The following OR3A2 variants were observed in gnomAD, a reference collection of about 807,000 sequenced individuals.
The protein encoded by OR3A2 is olfactory receptor family 3 subfamily A member 2, also known as olfactory receptor 3A2.
For missense variants in OR3A2, 318 were observed against 392.8 expected, an observed-to-expected ratio of 0.81 and a Z score of 1.61; for synonymous variants, 126 against 159.3, an observed-to-expected ratio of 0.79 and a Z score of 1.57.
chr17:3,280,973 G>A (rs886733385), intron 1 of OR3A2, among the ~76,000 whole-genome samples: 6 of 152,150 alleles, frequency 3.9e-5, no homozygotes, highest in African/African-American at 1.2e-4. Flanking sequence ...GAAGCCATCC[G>A]GGCAGGCTGA....
intron 3 of OR3A2, chr17:3,310,198 C>T (rs2049029436): frequency 2.4e-6 from 1 of 425,400 alleles, no homozygotes; most frequent in Admixed American, 2.8e-5. Context: ...CCGGCCCTGT[C>T]CTGGACATTG....
At chr17:3,301,176 G>C (rs1329687844) in intron 3 of OR3A2, among the ~76,000 whole-genome samples, 2 of 152,130 alleles carry the variant, frequency 1.3e-5, no homozygotes, top group Non-Finnish European at 2.9e-5. Context: ...CTTTATAGCA[G>C]CATGATTTAT....
At chr17:3,281,257 T>C (rs2048774974) in intron 1 of OR3A2, among the ~76,000 whole-genome samples, 1 of 147,896 alleles carries the variant, frequency 6.8e-6, no homozygotes, top group Non-Finnish European at 1.5e-5. Context: ...TTTTTTGAGA[T>C]GGAGTCTCCC....
intron 3 of OR3A2, among the ~76,000 whole-genome samples, chr17:3,295,065 A>T (rs2048908856): frequency 6.6e-6 from 1 of 152,136 alleles, no homozygotes; most frequent in Non-Finnish European, 1.5e-5. Context: ...TGTATTTAAC[A>T]ATAGGTCTAA....
chr17:3,339,702 C>T (rs1419393123), intron 2 of OR3A2, among the ~76,000 whole-genome samples: 2 of 152,070 alleles, frequency 1.3e-5, no homozygotes, highest in African/African-American at 2.4e-5. Flanking sequence ...ATTTTTGCAT[C>T]AATGTTCATC....
In OR3A2 at chr17:3,361,643, C is replaced by G. The variant is rs575170954; in HGVS notation, c.-179+22161G>C. On this transcript the variant is annotated intron_variant, in intron 2 of 4. Transcript: ENST00000573491. ...AGCATGAAAGGTTGTTGAATTTTGT[C>G]AAAGACCTTTTCTGCATCTATTGAG... 7.2e-5 allele frequency among the ~76,000 whole-genome samples: 11 copies of G among 151,776 alleles called. No homozygotes were observed. In the South Asian group the frequency reaches 2.3e-3, roughly 32 times the overall value.
chr17:3,353,260 T>C lies in OR3A2; in HGVS notation c.-178-17134A>G, dbSNP rs528540906. Among the ~76,000 whole-genome samples, 7 of 151,932 alleles carry C rather than the reference T, an allele frequency of 4.6e-5. No individual in the cohort carries two copies. The East Asian group carries it at 7.7e-4, about 17-fold the overall frequency. Reference sequence around the variant, plus strand: ...CTGAATCTTTGCCCAATAGTTCTAATTGGTAGAGTCTTTAGGTTTTCCCAA... The same window carrying C: ...CTGAATCTTTGCCCAATAGTTCTAACTGGTAGAGTCTTTAGGTTTTCCCAA... On this transcript the variant is annotated intron_variant, in intron 2 of 4. Coordinates refer to the OR3A2 transcript ENST00000573491.
At chr17:3,297,310 T>C (rs1161084552) in intron 3 of OR3A2, among the ~76,000 whole-genome samples, 3 of 152,220 alleles carry the variant, frequency 2.0e-5, no homozygotes, top group Non-Finnish European at 4.4e-5. Flanking sequence ...AACAATTCCC[T>C]TACATATTAA....
upstream of OR3A2, among the ~76,000 whole-genome samples, chr17:3,286,182 T>C (rs2150618900): frequency 1.3e-5 from 2 of 152,306 alleles, no homozygotes; most frequent in African/African-American, 4.8e-5. Flanking sequence ...TTTCTGTTCT[T>C]GTGTTAGTTT....
intron 2 of OR3A2, among the ~76,000 whole-genome samples, chr17:3,348,401 G>A (rs979754902): frequency 3.3e-5 from 5 of 152,054 alleles, no homozygotes; most frequent in African/African-American, 4.8e-5. Flanking sequence ...CTCAGGAGCC[G>A]ATGCGATCAA....
At chr17:3,339,166 G>A (rs1345450622) in intron 2 of OR3A2, among the ~76,000 whole-genome samples, 4 of 152,254 alleles carry the variant, frequency 2.6e-5, no homozygotes, top group South Asian at 4.1e-4. Flanking sequence ...GGAGATTTTG[G>A]GCTGAGATGA....
At chr17:3,341,988 T>C (rs974929125) in intron 2 of OR3A2, among the ~76,000 whole-genome samples, 1 of 152,184 alleles carries the variant, frequency 6.6e-6, no homozygotes, top group Non-Finnish European at 1.5e-5. Flanking sequence ...TCTCTAAACT[T>C]CTCTTCTTGC....
At chr17:3,309,266 T>C (rs1028490740) in intron 3 of OR3A2, among the ~76,000 whole-genome samples, 2 of 152,124 alleles carry the variant, frequency 1.3e-5, no homozygotes, top group Non-Finnish European at 2.9e-5. Flanking sequence ...AGTGATCATA[T>C]ATGTGGGCAG....
At chr17:3,334,173 C>A (rs1449661297) in intron 3 of OR3A2, among the ~76,000 whole-genome samples, 1 of 152,154 alleles carries the variant, frequency 6.6e-6, no homozygotes, top group African/African-American at 2.4e-5. Context: ...TAAATTAGTT[C>A]AACTACTGTG....
intron 2 of OR3A2, among the ~76,000 whole-genome samples, chr17:3,361,938 G>C (rs1027496712): frequency 5.9e-5 from 9 of 151,694 alleles, no homozygotes; most frequent in Non-Finnish European, 1.0e-4. Flanking sequence ...CATAAAATGA[G>C]TTAGGGTGGA....
chr17:3,381,457 A>T (rs563498540), intron 2 of OR3A2, among the ~76,000 whole-genome samples: 1 of 152,092 alleles, frequency 6.6e-6, no homozygotes, highest in Non-Finnish European at 1.5e-5. Flanking sequence ...TGTCCACAAC[A>T]GCAGCTCAGC....
chr17:3,294,944 A>G (rs1005795649), intron 3 of OR3A2, among the ~76,000 whole-genome samples: 1 of 152,160 alleles, frequency 6.6e-6, no homozygotes, highest in African/African-American at 2.4e-5. Context: ...CAGACTTCAG[A>G]GTTTTGTTTT....
At chr17:3,292,366 C>A in intron 3 of OR3A2, 2 of 1,614,080 alleles carry the variant, frequency 1.2e-6, no homozygotes, top group Non-Finnish European at 1.7e-6. Flanking sequence ...CACCCAACAT[C>A]CAGCACTGAT....
intron 3 of OR3A2, among the ~76,000 whole-genome samples, chr17:3,306,417 A>G (rs982933647): frequency 6.6e-6 from 1 of 152,094 alleles, no homozygotes; most frequent in Non-Finnish European, 1.5e-5. Flanking sequence ...TGTTGGGATT[A>G]GAGGCACAAG....
Sources: allele counts gnomAD v4.1 joint callset (sites outside exome capture counted in the v4.1 genomes callset), GRCh38; gene constraint gnomAD v4.1.1; transcripts MANE v1.5; gene names NCBI Gene and HGNC (gene_info 2026-07-23, HGNC 2026-07-21).